VWF: variants seen among roughly 807,000 people sequenced by gnomAD.
The protein encoded by VWF is von Willebrand factor, also known as Factor VIII related antigen.
In VWF, 176 loss-of-function variants were observed where a neutral mutation model predicts 308.6. The observed-to-expected ratio is 0.57, with a 90% CI of 0.50 to 0.65. The LOEUF (loss-of-function observed/expected upper bound fraction) is 0.65. Ranked by LOEUF, VWF falls within the 30% of genes least tolerant of loss-of-function variation. The pLI is 0.00. For missense variants in VWF, 3,146 were observed against 3,648.2 expected, an observed-to-expected ratio of 0.86 and a Z score of 3.55; for synonymous variants, 1,385 against 1,443.4, an observed-to-expected ratio of 0.96 and a Z score of 0.92.
chr12:6,085,803 T>C (rs1944962479), intron 6 of VWF, among the ~76,000 whole-genome samples: 1 of 152,100 alleles, frequency 6.6e-6, no homozygotes, highest in African/African-American at 2.4e-5. Context: ...ACCTAAATGA[T>C]GGGTTGATAG....
chr12:5,977,020 T>C (rs536529309), intron 42 of VWF, among the ~76,000 whole-genome samples: 1 of 152,336 alleles, frequency 6.6e-6, no homozygotes, highest in South Asian at 2.1e-4. Flanking sequence ...ACCCTGTGAA[T>C]GTCATAATAG....
chr12:6,043,088 A>C (rs896523820), intron 18 of VWF, among the ~76,000 whole-genome samples: 1 of 152,178 alleles, frequency 6.6e-6, no homozygotes, highest in African/African-American at 2.4e-5. Context: ...GGCACCAAAC[A>C]ACCCTTCCAG....
At chr12:6,001,183 C>T (rs961039052) in intron 34 of VWF, among the ~76,000 whole-genome samples, 3 of 152,072 alleles carry the variant, frequency 2.0e-5, no homozygotes, top group Non-Finnish European at 4.4e-5. Flanking sequence ...AAGGTAATGA[C>T]AGGAACAAAA....
At chr12:5,994,670 A>G in intron 35 of VWF, 63 bp from the exon 36 acceptor site, 1 of 1,520,800 alleles carries the variant, frequency 6.6e-7, no homozygotes, top group Non-Finnish European at 9.1e-7. Context: ...GTTTTTAGGG[A>G]AGTTACCGAG....
At chr12:5,954,703 C>CT (rs1241662201) in intron 47 of VWF, among the ~76,000 whole-genome samples, 2 of 152,346 alleles carry the variant, frequency 1.3e-5, no homozygotes, top group African/African-American at 4.8e-5. Flanking sequence ...AATTATACAT[C>CT]TATAGGAGAG....
chr12:6,029,280 A>G, intron 22 of VWF, 62 bp downstream of exon 22: 2 of 1,608,584 alleles, frequency 1.2e-6, no homozygotes, highest in Admixed American at 1.7e-5. Context: ...ACCTACGATC[A>G]GGGAGCAGAA....
At chr12:5,981,245 G>A (rs1163149711) in intron 42 of VWF, among the ~76,000 whole-genome samples, 3 of 151,838 alleles carry the variant, frequency 2.0e-5, no homozygotes, top group Non-Finnish European at 2.9e-5. Flanking sequence ...TTAACTGCTC[G>A]TAGCCAGGTG....
intron 42 of VWF, among the ~76,000 whole-genome samples, chr12:5,977,490 T>C (rs996938682): frequency 6.6e-5 from 10 of 152,222 alleles, no homozygotes; most frequent in African/African-American, 2.4e-4. Flanking sequence ...AAAATATAAT[T>C]CATAATATGC....
rs374722386 is a variant in VWF, at chr12:6,064,367, G to A, written c.1311C>T (p.Asp437=). The change falls in exon 12 of 52, where the codon GAC becomes GAT. Residue 437 remains aspartate, a synonymous_variant. Coordinates refer to ENST00000261405, the MANE Select transcript of VWF (RefSeq NM_000552.5). ...IETVQCADDR[D]AVCTRSVTVR... ...CGGTGACGGAGCGGGTGCACACAGC[G>A]TCGCGGTCATCAGCACACTGCCAAG... is the stretch of plus-strand genomic sequence containing the variant. The A allele has an allele frequency of 1.2e-4, 186 of 1,613,998 alleles. No individual in the cohort carries two copies. Among genetic ancestry groups the A allele is most frequent in the South Asian group, 1.9e-4 (17 of 91,092 alleles).
intron 50 of VWF, 71 bp downstream of exon 50, chr12:5,951,773 A>T: frequency 6.4e-7 from 1 of 1,553,606 alleles, no homozygotes; most frequent in Non-Finnish European, 8.9e-7. Context: ...GGTTTCAAGG[A>T]GCAAGCTGCA....
rs1591920241 is a variant in VWF, at chr12:6,103,553, C to T, written c.532+6821G>A. 2.0e-5 allele frequency among the ~76,000 whole-genome samples: 2 copies of T among 98,290 alleles called. 1 individual carries two copies. Among genetic ancestry groups the T allele is most frequent in the African/African-American group, 4.1e-4 (2 of 4,924 alleles). 64.5% of individuals were successfully genotyped at this position (98,290 alleles called of 152,430 possible). A position where few individuals can be genotyped will look rare whatever the true frequency, so the allele number is the denominator to read the frequency against. On this transcript the variant is annotated intron_variant, in intron 5 of 51. Transcript: ENST00000261405. ...ATATACACATATATGTATACACACACACACACACACACACACACACACACA... is the reference window on the plus strand; with the variant it reads ...ATATACACATATATGTATACACACATACACACACACACACACACACACACA...
chr12:5,961,854 A>ATCCT (rs561641052), intron 47 of VWF, among the ~76,000 whole-genome samples: 204 of 152,290 alleles, frequency 1.3e-3, no homozygotes, highest in South Asian at 2.5e-3. Context: ...GTCCCTACAA[A>ATCCT]ATTCCTATGT....
chr12:5,955,826 A>C (rs1035065387), intron 47 of VWF, among the ~76,000 whole-genome samples: 1 of 152,238 alleles, frequency 6.6e-6, no homozygotes, highest in East Asian at 1.9e-4. Context: ...CAATACTCTA[A>C]ATCAAAAACT....
Position 5,980,208 on chromosome 12 carries a change from TAGGTAGGGAGGG to T in VWF, c.7287+1566_7287+1577del, listed in dbSNP as rs1190370867. Among the ~76,000 whole-genome samples, 34 of 20,784 alleles carry T rather than the reference TAGGTAGGGAGGG, an allele frequency of 1.6e-3. 2 individuals are homozygous for T. Among genetic ancestry groups the T allele is most frequent in the East Asian group, 2.8e-3 (3 of 1,074 alleles). 13.6% of individuals were successfully genotyped at this position (20,784 alleles called of 152,430 possible). ...GAGGGAAGGAAGGAAGTGACGTAGG[TAGGTAGGGAGGG>T]AGGGAGGGAGGGAGGGAGGGAAGGA... is the stretch of plus-strand genomic sequence containing the variant. On this transcript the variant is annotated intron_variant, in intron 42 of 51. Transcript: ENST00000261405.
chr12:6,066,903 A>G (rs1005985246), intron 10 of VWF, among the ~76,000 whole-genome samples: 1 of 152,248 alleles, frequency 6.6e-6, no homozygotes, highest in Non-Finnish European at 1.5e-5. Context: ...GTATGAAGGC[A>G]GGATTAAGGA....
At position 6,058,056 on chromosome 12, in the gene VWF, A is replaced by G. The variant is rs1306157420; in HGVS notation, c.1534-12T>C. On this transcript the variant is annotated splice_polypyrimidine_tract_variant and intron_variant, in intron 13 of 51. Transcript: ENST00000261405. This position sits in a 1 kb window ranked among gnomAD's most constrained non-coding sequence, Gnocchi z 4.9. ...TAGACGGGGGACAGCTGCAGGAGAG[A>G]CCAGGCCACTCTGGAGCCGCTGCCG... 1 of 1,612,860 alleles carries G rather than the reference A, an allele frequency of 6.2e-7. No homozygotes were observed. Among genetic ancestry groups the G allele is most frequent in the Non-Finnish European group, 8.5e-7 (1 of 1,179,984 alleles).
At chr12:6,115,870 G>T (rs569615198) in intron 3 of VWF, among the ~76,000 whole-genome samples, 1 of 152,128 alleles carries the variant, frequency 6.6e-6, no homozygotes, top group African/African-American at 2.4e-5. Context: ...AAACCACCCC[G>T]ACTGAGAACC....
chr12:6,073,677 C>G lies in VWF; in HGVS notation c.939G>C (p.Gln313His). 1 of 1,614,128 alleles carries G rather than the reference C, an allele frequency of 6.2e-7. No homozygotes were observed. Among genetic ancestry groups the G allele is most frequent in the South Asian group, 1.1e-5 (1 of 91,074 alleles). ...QCVSPCARTCQSLHINEMCQE... is the reference protein window; with the variant it reads ...QCVSPCARTCHSLHINEMCQE... ...GACACATTTCATTGATGTGCAGGCT[C>G]TGGCAGGTCCTGGCGCAAGGGGACA... is the stretch of plus-strand genomic sequence containing the variant. Residue 313 changes from glutamine (Q) to histidine (H), a missense_variant, in exon 8 of 52, where the codon CAG (glutamine) becomes CAC (histidine). Physicochemically the swap from Gln to His is conservative, Grantham distance 24. Transcript: ENST00000261405.
At chr12:5,973,244 T>A (rs1281549903) in intron 43 of VWF, among the ~76,000 whole-genome samples, 1 of 152,226 alleles carries the variant, frequency 6.6e-6, no homozygotes, top group Non-Finnish European at 1.5e-5. Flanking sequence ...CTCGCTTATA[T>A]CGACATTTGA....
Sources: gnomAD v4.1 joint callset for allele counts (sites outside exome capture counted in the v4.1 genomes callset) on GRCh38, gnomAD v4.1.1 for gene constraint, Gnocchi (gnomAD v3.1) non-coding constraint, MANE v1.5 for transcripts, NCBI Gene and HGNC (gene_info 2026-07-23, HGNC 2026-07-21) for gene names.